CHERP: variants seen among roughly 807,000 people sequenced by gnomAD.
The protein encoded by CHERP is ERPROT 213-21.
In CHERP, 8 loss-of-function variants were observed where a neutral mutation model predicts 113.8. That is an observed-to-expected ratio of 0.07 (90% CI 0.04 to 0.13). The LOEUF (loss-of-function observed/expected upper bound fraction) is 0.13, where lower values mean the gene tolerates loss of function less well. Among genes scored for constraint, CHERP ranks in the 10% least tolerant of loss-of-function variants. CHERP has a pLI of 1.00. For missense variants in CHERP, 884 were observed against 1,298.2 expected, an observed-to-expected ratio of 0.68 and a Z score of 4.90; for synonymous variants, 559 against 524.5, an observed-to-expected ratio of 1.07 and a Z score of -0.90.
In CHERP at chr19:16,532,573, C is replaced by T. The variant is rs1467427796; in HGVS notation, c.674+25G>A. 6.4e-7 allele frequency: 1 copy of T among 1,572,342 alleles called. No homozygotes were observed. Among genetic ancestry groups the T allele is most frequent in the African/African-American group, 1.3e-5 (1 of 74,332 alleles). ...AGGAGGAGCGCGAGGAAGTGGCGCT[C>T]TGGGCACGGGGTGGCGGCGCTCACC... On this transcript the variant is annotated intron_variant, in intron 5 of 16. Transcript: ENST00000546361. The surrounding 1 kb of genome is among the most constrained non-coding windows in gnomAD (Gnocchi z 4.4).
chr19:16,523,727 A>G lies in CHERP; in HGVS notation c.1742-437T>C, dbSNP rs1347066111. 6.6e-6 allele frequency among the ~76,000 whole-genome samples: 1 copy of G among 152,026 alleles called. No individual in the cohort carries two copies. The highest frequency in any genetic ancestry group is 1.5e-5 in the Non-Finnish European group (1 of 67,988). ...TATAATAAGAGATTAGGACACAGACATGTAGAGAGAAGACGGTCACCTATG... is the reference window on the plus strand; with the variant it reads ...TATAATAAGAGATTAGGACACAGACGTGTAGAGAGAAGACGGTCACCTATG... On this transcript the variant is annotated intron_variant, in intron 10 of 16. Coordinates refer to ENST00000546361, the MANE Select transcript of CHERP (RefSeq NM_006387.6). This position sits in a 1 kb window ranked among gnomAD's most constrained non-coding sequence, Gnocchi z 4.0.
intron 8 of CHERP, 121 bp downstream of exon 8, chr19:16,529,527 G>C: frequency 7.8e-7 from 1 of 1,273,904 alleles, no homozygotes; most frequent in Non-Finnish European, 1.1e-6. Context: ...CCTAGGAGCA[G>C]GCCTGGGACG....
Position 16,530,024 on chromosome 19 carries a change from G to A in CHERP, c.877-124C>T, listed in dbSNP as rs998304886. The A allele has an allele frequency of 8.5e-6, 11 of 1,292,166 alleles. No homozygotes were observed. The highest frequency in any genetic ancestry group is 4.4e-5 in the African/African-American group (3 of 67,880). 80.0% of individuals were successfully genotyped at this position (1,292,166 alleles called of 1,614,324 possible). ...ACCTGGGGCAGGTGGACAGGGAACC[G>A]TCACGTGAAACAGCCAACACAGTCT... On this transcript the variant is annotated intron_variant, in intron 7 of 16. Transcript: ENST00000546361. This position sits in a 1 kb window ranked among gnomAD's most constrained non-coding sequence, Gnocchi z 4.1.
Position 16,530,522 on chromosome 19 carries a change from C to A in CHERP, c.876+63G>T. 1.3e-6 allele frequency: 2 copies of A among 1,523,848 alleles called. No homozygotes were observed. Among genetic ancestry groups the A allele is most frequent in the South Asian group, 2.2e-5 (2 of 89,062 alleles). 94.4% of individuals were successfully genotyped at this position (1,523,848 alleles called of 1,614,324 possible). On this transcript the variant is annotated intron_variant, in intron 7 of 16. Transcript: ENST00000546361. The surrounding 1 kb of genome is among the most constrained non-coding windows in gnomAD (Gnocchi z 4.1). ...GTGGCAGCTGCTGTCCCCACACTCC[C>A]AAACCCTCCTGGGGAACCCGCCCCA...
At position 16,528,280 on chromosome 19, in the gene CHERP, G is replaced by C. The variant is rs145706836; in HGVS notation, c.1130-25C>G. On this transcript the variant is annotated intron_variant, in intron 8 of 16. Coordinates refer to ENST00000546361, the MANE Select transcript of CHERP (RefSeq NM_006387.6). ...TCTAAATCCAAGTGACAGGCAGTTA[G>C]AGCAGGCCTGGCAGCAGGAGGCGCT... is the stretch of plus-strand genomic sequence containing the variant. The C allele has an allele frequency of 1.1e-3, 1,763 of 1,545,972 alleles. 22 individuals are homozygous for C. The African/African-American group carries it at 0.019, about 17-fold the overall frequency.
chr19:16,525,688 A>T lies in CHERP; in HGVS notation c.1306-11T>A. 6.7e-7 allele frequency: 1 copy of T among 1,502,622 alleles called. No individual in the cohort carries two copies. Among genetic ancestry groups the T allele is most frequent in the Non-Finnish European group, 8.9e-7 (1 of 1,126,378 alleles). 93.1% of individuals were successfully genotyped at this position (1,502,622 alleles called of 1,614,324 possible). A position where few individuals can be genotyped will look rare whatever the true frequency, so the allele number is the denominator to read the frequency against. On this transcript the variant is annotated splice_polypyrimidine_tract_variant and intron_variant, in intron 9 of 16. Coordinates refer to ENST00000546361, the MANE Select transcript of CHERP (RefSeq NM_006387.6). This position sits in a 1 kb window ranked among gnomAD's most constrained non-coding sequence, Gnocchi z 6.5. ...TGGCTGCTCTGGCGGCTGCAAGGGA[A>T]GGGACAGGCTTGAGCCCTGCGTGGT...
chr19:16,519,566 C>T lies in CHERP; in HGVS notation c.2557+55G>A, dbSNP rs572490766. 3.5e-5 allele frequency: 52 copies of T among 1,493,728 alleles called. No homozygotes were observed. In the East Asian group the frequency reaches 6.8e-4, roughly 20 times the overall value. 92.5% of individuals were successfully genotyped at this position (1,493,728 alleles called of 1,614,324 possible). ...AGGAAGAGAAAGCGCTGGTGACTCCCGGGCCCAGCACGCGTGAGGACCCAT... is the reference window on the plus strand; with the variant it reads ...AGGAAGAGAAAGCGCTGGTGACTCCTGGGCCCAGCACGCGTGAGGACCCAT... On this transcript the variant is annotated intron_variant, in intron 16 of 16. Transcript: ENST00000546361. The surrounding 1 kb of genome is among the most constrained non-coding windows in gnomAD (Gnocchi z 6.0).
At position 16,521,551 on chromosome 19, in the gene CHERP, C is replaced by G; in HGVS notation, c.2084G>C (p.Ser695Thr). The G allele has an allele frequency of 6.2e-7, 1 of 1,603,120 alleles. No homozygotes were observed. Among genetic ancestry groups the G allele is most frequent in the Non-Finnish European group, 8.5e-7 (1 of 1,176,420 alleles). Reference sequence around the variant, plus strand: ...CCTGGGCCTGTCGTGGGACGGGGGGCTGTAGAAGGCCTCCACTGCAGCCAG... The same window carrying G: ...CCTGGGCCTGTCGTGGGACGGGGGGGTGTAGAAGGCCTCCACTGCAGCCAG... ...RLLAAVEAFY[S>T]PPSHDRPRNS... Residue 695 changes from serine (S) to threonine (T), a missense_variant, in exon 12 of 17, where the codon AGC (serine) becomes ACC (threonine). By Grantham distance (58) the Ser-to-Thr change is moderately conservative. Around this residue, in one of 8 missense-constraint regions of CHERP, gnomAD observed 464 missense variants for 590.1 expected, o/e 0.79. Coordinates refer to ENST00000546361, the MANE Select transcript of CHERP (RefSeq NM_006387.6).
chr19:16,525,423 T>C lies in CHERP; in HGVS notation c.1560A>G (p.Pro520=). 6.6e-7 allele frequency: 1 copy of C among 1,518,698 alleles called. No homozygotes were observed. The highest frequency in any genetic ancestry group is 8.8e-7 in the Non-Finnish European group (1 of 1,132,402). The allele number at this position is 1,518,698 out of a possible 1,614,324, so 94.1% of individuals were successfully genotyped here. A position where few individuals can be genotyped will look rare whatever the true frequency, so the allele number is the denominator to read the frequency against. The change falls in exon 10 of 17, where the codon CCA becomes CCG. Residue 520 remains proline (P), a synonymous_variant. Coordinates refer to ENST00000546361, the MANE Select transcript of CHERP (RefSeq NM_006387.6). This position sits in a 1 kb window ranked among gnomAD's most constrained non-coding sequence, Gnocchi z 6.5. ...GGGGCGGGAAGGGCCCCCGGAAGTG[T>C]GGGGGCCGCTGCATGCGGAAGGGTG... ...REPPFRMQRP[P]HFRGPFPPHQ... is the part of the protein sequence containing the mutation.
chr19:16,529,769 TTGCTGCTGCTGCTGC>T lies in CHERP; in HGVS notation c.993_1007del (p.Gln337_Gln341del), dbSNP rs751586190. The T allele has an allele frequency of 6.2e-7, 1 of 1,605,726 alleles. No individual in the cohort carries two copies. The highest frequency in any genetic ancestry group is 8.5e-7 in the Non-Finnish European group (1 of 1,174,556). The stretch of plus-strand genomic sequence containing the variant: ...GCATCTGGAGCTGCTGCTGCTGCTG[TTGCTGCTGCTGCTGC>T]TGCTGGGCCAGGCTGGTGACAAACT... On this transcript the variant is annotated inframe_deletion, in exon 8 of 17. Coordinates refer to ENST00000546361, the MANE Select transcript of CHERP (RefSeq NM_006387.6).
chr19:16,539,296 C>G (rs1468715693), intron 2 of CHERP, among the ~76,000 whole-genome samples: 1 of 151,852 alleles, frequency 6.6e-6, no homozygotes, highest in African/African-American at 2.4e-5. Context: ...TACAGGCGCC[C>G]GCTACCACGC....
In CHERP at chr19:16,530,904, C is replaced by T. The variant is rs761650151; in HGVS notation, c.675-24G>A. ...GGCTGTGAGGGAGAGACTTTCCGCGCGTCAGGGCCCTGGGGCGGGACCCGG... is the reference window on the plus strand; with the variant it reads ...GGCTGTGAGGGAGAGACTTTCCGCGTGTCAGGGCCCTGGGGCGGGACCCGG... On this transcript the variant is annotated intron_variant, in intron 5 of 16. Coordinates refer to ENST00000546361, the MANE Select transcript of CHERP (RefSeq NM_006387.6). The surrounding 1 kb of genome is among the most constrained non-coding windows in gnomAD (Gnocchi z 4.1). 108 of 1,608,902 alleles carry T rather than the reference C, an allele frequency of 6.7e-5. No individual in the cohort carries two copies. Among genetic ancestry groups the T allele is most frequent in the Non-Finnish European group, 8.5e-5 (100 of 1,178,518 alleles).
At position 16,535,359 on chromosome 19, in the gene CHERP, A is replaced by C; in HGVS notation, c.384+93T>G. On this transcript the variant is annotated intron_variant, in intron 3 of 16. Transcript: ENST00000546361. This position sits in a 1 kb window ranked among gnomAD's most constrained non-coding sequence, Gnocchi z 4.3. ...GGGTGGCAGGGGGGGCCCTGTCCTC[A>C]CTGACACCTGTTATTCATTCTGATG... The C allele has an allele frequency of 7.2e-7, 1 of 1,391,136 alleles. No homozygotes were observed. Among genetic ancestry groups the C allele is most frequent in the Non-Finnish European group, 9.8e-7 (1 of 1,019,660 alleles). The allele number at this position is 1,391,136 out of a possible 1,614,324, so 86.2% of individuals were successfully genotyped here. A position where few individuals can be genotyped will look rare whatever the true frequency, so the allele number is the denominator to read the frequency against.
At chr19:16,526,334 A>T (rs1367420839) in intron 9 of CHERP, 1 of 152,438 alleles carries the variant, frequency 6.6e-6, no homozygotes, top group African/African-American at 2.4e-5. Context: ...GAGGCCAATG[A>T]GAAGGCCGGT....
intron 1 of CHERP, 98 bp from the exon 2 acceptor site, chr19:16,542,141 C>T: frequency 1.4e-6 from 2 of 1,392,016 alleles, no homozygotes; most frequent in Non-Finnish European, 1.9e-6. Flanking sequence ...CCGGGGACCC[C>T]AAGGGGGTGG....
At chr19:16,540,213 A>AC (rs1173543476) in intron 2 of CHERP, among the ~76,000 whole-genome samples, 2 of 146,700 alleles carry the variant, frequency 1.4e-5, no homozygotes, top group Non-Finnish European at 3.0e-5. Context: ...ACAGGTGCCC[A>AC]CCACCATGCC....
rs1555780788 is a variant in CHERP, at chr19:16,525,410, GC to G, written c.1572del (p.Phe526SerfsTer129). 1 of 1,509,134 alleles carries G rather than the reference GC, an allele frequency of 6.6e-7. No homozygotes were observed. Among genetic ancestry groups the G allele is most frequent in the Non-Finnish European group, 8.9e-7 (1 of 1,128,698 alleles). The allele number at this position is 1,509,134 out of a possible 1,614,324, so 93.5% of individuals were successfully genotyped here. On this transcript the variant is annotated frameshift_variant, in exon 10 of 17. Coordinates refer to ENST00000546361, the MANE Select transcript of CHERP (RefSeq NM_006387.6). LOFTEE classifies it high-confidence loss of function. This position sits in a 1 kb window ranked among gnomAD's most constrained non-coding sequence, Gnocchi z 6.5. The part of the protein sequence containing the change: ...FRMQRPPHFR[G>X]PFPPHQQHPQ... ...GGGTGCTGCTGGTGGGGCGGGAAGG[GC>G]CCCCGGAAGTGTGGGGGCCGCTGCA...
chr19:16,520,717 G>A lies in CHERP; in HGVS notation c.2201+109C>T, dbSNP rs965351202. On this transcript the variant is annotated intron_variant, in intron 13 of 16. Transcript: ENST00000546361. The surrounding 1 kb of genome is among the most constrained non-coding windows in gnomAD (Gnocchi z 4.0). The stretch of plus-strand genomic sequence containing the variant: ...CCTTGTGGAAAACACCGCCCCATAG[G>A]CACAGGCTGTGTGAGGGTGGACGTG... 265 of 1,234,786 alleles carry A rather than the reference G, an allele frequency of 2.1e-4. No individual in the cohort carries two copies. The highest frequency in any genetic ancestry group is 5.0e-4 in the Middle Eastern group (2 of 3,984). The allele number at this position is 1,234,786 out of a possible 1,614,324, so 76.5% of individuals were successfully genotyped here. A position where few individuals can be genotyped will look rare whatever the true frequency, so the allele number is the denominator to read the frequency against.
chr19:16,528,606 A>G (rs545116294), intron 8 of CHERP, among the ~76,000 whole-genome samples: 13 of 152,348 alleles, frequency 8.5e-5, no homozygotes, highest in African/African-American at 3.1e-4. Flanking sequence ...TTTCTATTCT[A>G]TACAATCCTC....
Sources: gnomAD v4.1 joint callset for allele counts (sites outside exome capture counted in the v4.1 genomes callset) on GRCh38, gnomAD v4.1.1 for gene constraint, gnomAD v4.1.1 regional missense constraint, Gnocchi (gnomAD v3.1) non-coding constraint, MANE v1.5 for transcripts, NCBI Gene and HGNC (gene_info 2026-07-23, HGNC 2026-07-21) for gene names.